NDST3: variants seen among roughly 807,000 people sequenced by gnomAD.
NDST3 encodes the protein N-deacetylase and N-sulfotransferase 3, also known as bifunctional heparan sulfate N-deacetylase/N-sulfotransferase 3.
In NDST3, 58 loss-of-function variants were observed where a neutral mutation model predicts 96.1. That is an observed-to-expected ratio of 0.60 (90% CI 0.49 to 0.75). The LOEUF is 0.75. Ranked by LOEUF, NDST3 falls within the 30% of genes least tolerant of loss-of-function variation. The pLI is 0.00. For synonymous variants in NDST3, 333 were observed against 359.7 expected, an observed-to-expected ratio of 0.93 and a Z score of 0.84; for missense variants, 788 against 1,034.2, an observed-to-expected ratio of 0.76 and a Z score of 3.27.
chr4:118,234,478 A>T (rs966689571), intron 9 of NDST3, among the ~76,000 whole-genome samples: 9 of 152,154 alleles, frequency 5.9e-5, no homozygotes, highest in Admixed American at 1.3e-4. Flanking sequence ...TCAAATATAC[A>T]TGCCAGTATA....
chr4:118,131,982 A>AGG (rs1732661836), intron 4 of NDST3, among the ~76,000 whole-genome samples: 1 of 152,040 alleles, frequency 6.6e-6, no homozygotes, highest in Non-Finnish European at 1.5e-5. Flanking sequence ...GGCCACTATA[A>AGG]CTGGGACTGC....
At chr4:118,229,109 T>A (rs1740101321) in intron 8 of NDST3, among the ~76,000 whole-genome samples, 1 of 152,068 alleles carries the variant, frequency 6.6e-6, no homozygotes, top group Non-Finnish European at 1.5e-5. Flanking sequence ...GACACCACCC[T>A]GAACAATATG....
chr4:118,224,312 C>T (rs1739732194), intron 6 of NDST3, among the ~76,000 whole-genome samples, 179 bp from the exon 7 acceptor site: 1 of 151,966 alleles, frequency 6.6e-6, no homozygotes, highest in African/African-American at 2.4e-5. Flanking sequence ...GATAACACAT[C>T]CTCCAGTATG....
In NDST3 at chr4:118,049,904, T is replaced by C. The variant is rs187625882; in HGVS notation, c.-155-3852T>C. ...TTCTGTGAAGCAAGCATCAGCCTGATACCAAAATCTGGCAGAGACACAATG... is the reference window on the plus strand; with the variant it reads ...TTCTGTGAAGCAAGCATCAGCCTGACACCAAAATCTGGCAGAGACACAATG... On this transcript the variant is annotated intron_variant, in intron 1 of 13. Transcript: ENST00000296499. Among the ~76,000 whole-genome samples the C allele has an allele frequency of 2.6e-3, 389 of 152,188 alleles. 3 individuals carry two copies. The highest frequency in any genetic ancestry group is 8.2e-3 in the African/African-American group (339 of 41,534).
At chr4:118,129,932 T>C (rs1381701565) in intron 4 of NDST3, among the ~76,000 whole-genome samples, 1 of 152,124 alleles carries the variant, frequency 6.6e-6, no homozygotes, top group African/African-American at 2.4e-5. Context: ...TTTATCATTA[T>C]ATAGTGACCT....
intron 6 of NDST3, among the ~76,000 whole-genome samples, chr4:118,196,944 G>GT (rs59055512): frequency 0.027 from 3,451 of 127,446 alleles, 104 homozygotes; most frequent in African/African-American, 0.08. Context: ...TTTATTTGAA[G>GT]TTTTTTTTTT....
At chr4:118,229,747 C>T (rs1163122925) in intron 8 of NDST3, among the ~76,000 whole-genome samples, 1 of 152,060 alleles carries the variant, frequency 6.6e-6, no homozygotes, top group Non-Finnish European at 1.5e-5. Context: ...CTTTTTTTCT[C>T]ACATTATAAT....
intron 7 of NDST3, among the ~76,000 whole-genome samples, chr4:118,225,188 C>A (rs998784102): frequency 3.9e-5 from 6 of 152,132 alleles, no homozygotes; most frequent in Non-Finnish European, 8.8e-5. Flanking sequence ...GAAAGCATTT[C>A]ATGGGAAAAT....
intron 2 of NDST3, among the ~76,000 whole-genome samples, chr4:118,090,175 A>G (rs934222189): frequency 6.6e-6 from 1 of 151,920 alleles, no homozygotes; most frequent in African/African-American, 2.4e-5. Context: ...CTATACCTAC[A>G]CCTATATAAC....
At chr4:118,171,145 G>A (rs954611445) in intron 6 of NDST3, among the ~76,000 whole-genome samples, 1 of 152,078 alleles carries the variant, frequency 6.6e-6, no homozygotes, top group African/African-American at 2.4e-5. Context: ...ACACTTCTTA[G>A]AGAATTCCTA....
intron 2 of NDST3, among the ~76,000 whole-genome samples, chr4:118,098,335 A>G (rs1289514727): frequency 6.6e-6 from 1 of 152,026 alleles, no homozygotes; most frequent in Non-Finnish European, 1.5e-5. Context: ...ATAGTTTCCT[A>G]GAGATACTAT....
Position 118,092,049 on chromosome 4 carries a change from C to CCTAT in NDST3, c.982-12969_982-12968insCTAT, listed in dbSNP as rs1261348732. ...TACAACTCTGTGAGGTAGGTATTTTCTTATTTATTTATTTATTTATTTATT... is the reference window on the plus strand; with the variant it reads ...TACAACTCTGTGAGGTAGGTATTTTCCTATTTATTTATTTATTTATTTATTTATT... On this transcript the variant is annotated intron_variant, in intron 2 of 13. Transcript: ENST00000296499. Among the ~76,000 whole-genome samples, 8 of 54,766 alleles carry CCTAT rather than the reference C, an allele frequency of 1.5e-4. No individual in the cohort carries two copies. The East Asian group carries it at 6.4e-3, about 44-fold the overall frequency. The allele number at this position is 54,766 out of a possible 152,430, so 35.9% of individuals were successfully genotyped here.
At chr4:118,124,197 T>G (rs190889048) in intron 4 of NDST3, among the ~76,000 whole-genome samples, 2 of 152,256 alleles carry the variant, frequency 1.3e-5, no homozygotes, top group African/African-American at 4.8e-5. Context: ...TATTGTTTAG[T>G]AAGACTTTGT....
In NDST3 at chr4:118,105,071, C is replaced by T; in HGVS notation, c.1035C>T (p.Phe345=). The change falls in exon 3 of 14, where the codon TTC becomes TTT. Residue 345 remains phenylalanine, a synonymous_variant. Coordinates refer to ENST00000296499, the MANE Select transcript of NDST3 (RefSeq NM_004784.3). ...GTGCACAAATCACAAATTTTACATT[C>T]AACCTGGGATTTTCAGGGAAATTTT... ...LLRAQITNFT[F]NLGFSGKFYH... 1 of 1,613,394 alleles carries T rather than the reference C, an allele frequency of 6.2e-7. No homozygotes were observed. Among genetic ancestry groups the T allele is most frequent in the Non-Finnish European group, 8.5e-7 (1 of 1,179,596 alleles).
chr4:118,121,873 A>T (rs1731609500), intron 4 of NDST3, among the ~76,000 whole-genome samples: 1 of 152,056 alleles, frequency 6.6e-6, no homozygotes, highest in Admixed American at 6.6e-5. Flanking sequence ...TCTCATTTGG[A>T]TATATCATTT....
chr4:118,189,125 C>T (rs1282729446), intron 6 of NDST3, among the ~76,000 whole-genome samples: 1 of 152,154 alleles, frequency 6.6e-6, no homozygotes, highest in African/African-American at 2.4e-5. Flanking sequence ...TCTTGGCTCA[C>T]TGCAACCTCT....
rs147207220 is a variant in NDST3 at position 118,237,020 on chromosome 4, T to C, written c.1944-26T>C. ...AGAATGAGTATAAACCAGAATCTTA[T>C]TTTGAGAAAAATATTCCTTTTCTAG... On this transcript the variant is annotated intron_variant, in intron 9 of 13. Coordinates refer to ENST00000296499, the MANE Select transcript of NDST3 (RefSeq NM_004784.3). 55 of 1,538,666 alleles carry C rather than the reference T, an allele frequency of 3.6e-5. No homozygotes were observed. In the African/African-American group the frequency reaches 7.2e-4, roughly 20 times the overall value.
intron 2 of NDST3, among the ~76,000 whole-genome samples, chr4:118,070,842 C>A (rs1424941541): frequency 6.6e-6 from 1 of 152,078 alleles, no homozygotes; most frequent in African/African-American, 2.4e-5. Flanking sequence ...GTTCCCCTCC[C>A]TGTGTCCAAG....
intron 8 of NDST3, among the ~76,000 whole-genome samples, chr4:118,230,988 T>C (rs1012980307): frequency 2.6e-5 from 4 of 152,184 alleles, no homozygotes; most frequent in Admixed American, 2.0e-4. Context: ...AATATTGCCA[T>C]ATTTGTACCA....
Sources: allele counts gnomAD v4.1 joint callset (sites outside exome capture counted in the v4.1 genomes callset), GRCh38; gene constraint gnomAD v4.1.1; transcripts MANE v1.5; gene names NCBI Gene and HGNC (gene_info 2026-07-23, HGNC 2026-07-21).